Variants in ZBTB46 observed in about 807,000 individuals in gnomAD.
ZBTB46 encodes zinc finger and BTB domain containing 46, also known as zinc finger and BTB domain-containing protein 46.
Under a neutral mutation model 44.1 loss-of-function variants are expected in ZBTB46, and 8 were observed. That is an observed-to-expected ratio of 0.18 (90% CI 0.11 to 0.33). The LOEUF (loss-of-function observed/expected upper bound fraction) is 0.33. Among genes scored for constraint, ZBTB46 ranks in the 10% least tolerant of loss-of-function variants. The probability of loss-of-function intolerance (pLI) is 1.00; values close to 1 mark genes in which losing one functional copy is unlikely to be tolerated. For missense variants in ZBTB46, 651 were observed against 847.7 expected (o/e 0.77, Z 2.88); for synonymous variants, 409 against 382.3 (o/e 1.07, Z -0.81).
intron 4 of ZBTB46, among the ~76,000 whole-genome samples, chr20:63,749,228 G>A (rs1344977786): frequency 6.6e-6 from 1 of 152,236 alleles, no homozygotes; most frequent in African/African-American, 2.4e-5. Context: ...CAGGGCCAGG[G>A]CAGCACCACA....
intron 1 of ZBTB46, among the ~76,000 whole-genome samples, chr20:63,814,630 G>A (rs1479054375): frequency 6.6e-6 from 1 of 152,106 alleles, no homozygotes; most frequent in Non-Finnish European, 1.5e-5. Context: ...CCTCCCAGAG[G>A]AGTGCAGCAA....
intron 3 of ZBTB46, among the ~76,000 whole-genome samples, chr20:63,769,863 C>T (rs558362814): frequency 1.2e-4 from 19 of 152,342 alleles, no homozygotes; most frequent in African/African-American, 3.6e-4. Context: ...ACAACCAAAA[C>T]AAAGACAAGC....
At chr20:63,782,509 T>C (rs1455042420) in intron 2 of ZBTB46, among the ~76,000 whole-genome samples, 1 of 152,118 alleles carries the variant, frequency 6.6e-6, no homozygotes, top group East Asian at 1.9e-4. Flanking sequence ...AAAACGTGCA[T>C]TGCTCTGACA....
intron 1 of ZBTB46, among the ~76,000 whole-genome samples, chr20:63,822,092 A>G (rs1600725745): frequency 6.6e-6 from 1 of 152,214 alleles, no homozygotes; most frequent in African/African-American, 2.4e-5. Flanking sequence ...GCTTTTACTC[A>G]ATAGTGAGCT....
rs1270873699 is a variant in ZBTB46 at position 63,803,974 on chromosome 20, T to C, written c.-33-13184A>G. Among the ~76,000 whole-genome samples the C allele has an allele frequency of 1.3e-5, 2 of 152,212 alleles. No homozygotes were observed. Among genetic ancestry groups the C allele is most frequent in the Non-Finnish European group, 1.5e-5 (1 of 68,040 alleles). On this transcript the variant is annotated intron_variant, in intron 1 of 4. Transcript: ENST00000245663. This position sits in a 1 kb window ranked among gnomAD's most constrained non-coding sequence, Gnocchi z 4.0. ...CTGGCTTCTCAAAGCGCTGGGATGA[T>C]AGGCGTGAGCCACTGCACCGACATA...
chr20:63,826,349 G>A (rs980653950), intron 1 of ZBTB46, among the ~76,000 whole-genome samples: 5 of 152,202 alleles, frequency 3.3e-5, no homozygotes, highest in African/African-American at 9.7e-5. Context: ...GGACTGAGTC[G>A]CTAGTAAGTC....
At chr20:63,775,657 G>T in intron 3 of ZBTB46, 21 bp downstream of exon 3, 1 of 1,530,658 alleles carries the variant, frequency 6.5e-7, no homozygotes, top group Non-Finnish European at 8.8e-7. Flanking sequence ...AAGCCAAGCG[G>T]CCCCCAGGGC....
chr20:63,801,600 A>G (rs552699658), intron 1 of ZBTB46, among the ~76,000 whole-genome samples: 43 of 152,216 alleles, frequency 2.8e-4, no homozygotes, highest in Non-Finnish European at 1.8e-4. Flanking sequence ...TTGGGTCCAC[A>G]CTGTCTTTAT....
Position 63,747,319 on chromosome 20 carries a change from G to C in ZBTB46, c.1399-18C>G. Reference sequence around the variant, plus strand: ...CTGTGGACCTGCAGAGGCAGGGCAGGGGGTGAGCAGGGCCTGGTGGGTTGG... The same window carrying C: ...CTGTGGACCTGCAGAGGCAGGGCAGCGGGTGAGCAGGGCCTGGTGGGTTGG... On this transcript the variant is annotated intron_variant, in intron 4 of 4. Transcript: ENST00000245663. 1.4e-6 allele frequency: 2 copies of C among 1,445,346 alleles called. No homozygotes were observed. Among genetic ancestry groups the C allele is most frequent in the Non-Finnish European group, 1.8e-6 (2 of 1,091,594 alleles). 89.5% of individuals were successfully genotyped at this position (1,445,346 alleles called of 1,614,324 possible).
Position 63,744,252 on chromosome 20 carries a change from T to C in ZBTB46, c.*2678A>G, listed in dbSNP as rs2092066434. The C allele has an allele frequency of 6.6e-6, 1 of 152,196 alleles. No homozygotes were observed. The highest frequency in any genetic ancestry group is 2.4e-5 in the African/African-American group (1 of 41,450). The allele number at this position is 152,196 out of a possible 1,614,324, so 9.4% of individuals were successfully genotyped here. On this transcript the variant is annotated 3_prime_UTR_variant, in exon 5 of 5. Coordinates refer to ENST00000245663, the MANE Select transcript of ZBTB46 (RefSeq NM_001369741.1). ...TTTCTCAGTTTTTTAAAGAGGAAGA[T>C]GTGCAAAGTTGGAAGCAGTAAGCTG...
chr20:63,810,462 A>G (rs1433726726), intron 1 of ZBTB46, among the ~76,000 whole-genome samples: 1 of 152,152 alleles, frequency 6.6e-6, no homozygotes, highest in Non-Finnish European at 1.5e-5. Context: ...CTCGCAAACC[A>G]AGGTCCTTAT....
chr20:63,806,131 G>T (rs1029544899), intron 1 of ZBTB46, among the ~76,000 whole-genome samples: 12 of 151,670 alleles, frequency 7.9e-5, no homozygotes, highest in African/African-American at 2.9e-4. Context: ...GCTGGGAAAG[G>T]TGGCTCACGC....
chr20:63,817,093 G>T (rs1056013228), intron 1 of ZBTB46, among the ~76,000 whole-genome samples: 2 of 149,332 alleles, frequency 1.3e-5, no homozygotes, highest in Non-Finnish European at 3.0e-5. Context: ...CAACAAGAGC[G>T]AAACTCAGTC....
chr20:63,748,457 G>C (rs1233856068), intron 4 of ZBTB46, among the ~76,000 whole-genome samples: 1 of 152,238 alleles, frequency 6.6e-6, no homozygotes, highest in Non-Finnish European at 1.5e-5. Context: ...GCCAGGGATG[G>C]GGAGAGGTGG....
intron 1 of ZBTB46, among the ~76,000 whole-genome samples, chr20:63,829,392 T>A (rs2092836223): frequency 6.6e-6 from 1 of 152,272 alleles, no homozygotes; most frequent in South Asian, 2.1e-4. Flanking sequence ...ATTAAATGCT[T>A]GTCCCCAGGC....
chr20:63,752,981 C>A lies in ZBTB46; in HGVS notation c.1223-120G>T. The A allele has an allele frequency of 8.9e-7, 1 of 1,126,016 alleles. No individual in the cohort carries two copies. 69.8% of individuals were successfully genotyped at this position (1,126,016 alleles called of 1,614,324 possible). On this transcript the variant is annotated intron_variant, in intron 3 of 4. Transcript: ENST00000245663. The surrounding 1 kb of genome is among the most constrained non-coding windows in gnomAD (Gnocchi z 5.6). ...GGACGGGCTGTCTCCCACGGCCACC[C>A]ACTGGGGGCTGGTCAGCACTGCGAC... is the stretch of plus-strand genomic sequence containing the variant.
intron 1 of ZBTB46, chr20:63,815,001 G>A (rs4809359): frequency 0.18 from 28,569 of 160,772 alleles, 3,088 homozygotes; most frequent in East Asian, 0.45. Flanking sequence ...CCAGGACGTC[G>A]AGGCTGCAGT....
At chr20:63,823,905 C>T (rs1248719654) in intron 1 of ZBTB46, among the ~76,000 whole-genome samples, 1 of 106,120 alleles carries the variant, frequency 9.4e-6, no homozygotes, top group African/African-American at 4.1e-5. Flanking sequence ...GGGACTGCTC[C>T]GTTTTCTGTT....
intron 3 of ZBTB46, among the ~76,000 whole-genome samples, chr20:63,770,594 G>C (rs186152004): frequency 6.6e-6 from 1 of 152,096 alleles, no homozygotes; most frequent in Non-Finnish European, 1.5e-5. Flanking sequence ...TCTGAGTGTC[G>C]GCTGCTCTGT....
Sources: allele counts gnomAD v4.1 joint callset (sites outside exome capture counted in the v4.1 genomes callset), GRCh38; gene constraint gnomAD v4.1.1; non-coding constraint Gnocchi (gnomAD v3.1); transcripts MANE v1.5; gene names NCBI Gene and HGNC (gene_info 2026-07-23, HGNC 2026-07-21).